Variants in UBE3D observed in about 807,000 individuals in gnomAD.
The protein encoded by UBE3D is ubiquitin protein ligase E3D, also known as E3 ubiquitin-protein ligase E3D.
In UBE3D, 48 loss-of-function variants were observed where a neutral mutation model predicts 49.6. The observed-to-expected ratio is 0.97, with a 90% CI of 0.77 to 1.23. The LOEUF (loss-of-function observed/expected upper bound fraction) is 1.23. Ranked by LOEUF, UBE3D falls within the 50% of genes most tolerant of loss-of-function variation. UBE3D has a pLI of 0.00. For missense variants in UBE3D, 452 were observed against 468.4 expected, an observed-to-expected ratio of 0.96 and a Z score of 0.32; for synonymous variants, 189 against 174.2, an observed-to-expected ratio of 1.08 and a Z score of -0.67.
chr6:83,006,694 T>C (rs1169523902), intron 8 of UBE3D, among the ~76,000 whole-genome samples: 1 of 152,192 alleles, frequency 6.6e-6, no homozygotes, highest in Non-Finnish European at 1.5e-5. Context: ...ATGGCAGCTC[T>C]AGTCAACTAT....
chr6:82,924,275 A>G (rs925195203), intron 9 of UBE3D, among the ~76,000 whole-genome samples: 3 of 152,176 alleles, frequency 2.0e-5, no homozygotes, highest in African/African-American at 7.2e-5. Context: ...ACTGATAAGA[A>G]AAGTTACTTG....
chr6:82,917,985 T>C (rs908031033), intron 9 of UBE3D, among the ~76,000 whole-genome samples: 6 of 152,228 alleles, frequency 3.9e-5, no homozygotes, highest in African/African-American at 1.4e-4. Flanking sequence ...TCTCTGCTCT[T>C]ATTTTCCTTC....
intron 8 of UBE3D, among the ~76,000 whole-genome samples, chr6:82,973,001 C>T (rs1486702358): frequency 6.6e-6 from 1 of 152,106 alleles, no homozygotes; most frequent in African/African-American, 2.4e-5. Context: ...TGAGAAGCTA[C>T]TAATGTTCTG....
intron 9 of UBE3D, among the ~76,000 whole-genome samples, chr6:82,943,836 G>A (rs1775200324): frequency 6.6e-6 from 1 of 151,902 alleles, no homozygotes; most frequent in Non-Finnish European, 1.5e-5. Flanking sequence ...CAGTGAATAT[G>A]AGACTTCACA....
chr6:82,957,979 A>G (rs1458980560), intron 8 of UBE3D, among the ~76,000 whole-genome samples: 1 of 152,348 alleles, frequency 6.6e-6, no homozygotes, highest in East Asian at 1.9e-4. Flanking sequence ...GCCCCAACTT[A>G]TAATACAAAT....
intron 5 of UBE3D, among the ~76,000 whole-genome samples, chr6:83,031,681 A>C (rs1390587568): frequency 6.6e-6 from 1 of 152,224 alleles, no homozygotes; most frequent in Non-Finnish European, 1.5e-5. Context: ...CACTAAGACA[A>C]TGAGGAAAGT....
At chr6:82,937,058 T>C (rs945600564) in intron 9 of UBE3D, among the ~76,000 whole-genome samples, 1 of 152,236 alleles carries the variant, frequency 6.6e-6, no homozygotes, top group African/African-American at 2.4e-5. Context: ...AGATGAGGTC[T>C]ATAAGAGCAA....
chr6:83,040,870 C>A (rs569640318), intron 4 of UBE3D, among the ~76,000 whole-genome samples: 5 of 152,250 alleles, frequency 3.3e-5, no homozygotes, highest in African/African-American at 1.2e-4. Flanking sequence ...GGTGTCATAC[C>A]CATGAGAGGT....
intron 5 of UBE3D, among the ~76,000 whole-genome samples, chr6:83,033,414 T>C (rs1782020232): frequency 6.6e-6 from 1 of 152,174 alleles, no homozygotes; most frequent in Admixed American, 6.5e-5. Context: ...TGGAGCTGTG[T>C]CCCCACCCAA....
At chr6:82,909,471 T>C (rs1181777978) in intron 9 of UBE3D, among the ~76,000 whole-genome samples, 2 of 152,196 alleles carry the variant, frequency 1.3e-5, no homozygotes, top group Non-Finnish European at 2.9e-5. Flanking sequence ...CAAGAGATAT[T>C]ATTCAGAAAT....
intron 8 of UBE3D, chr6:83,017,556 A>T (rs913635492): frequency 6.6e-6 from 1 of 152,216 alleles, no homozygotes; most frequent in South Asian, 2.1e-4. Flanking sequence ...ATATAAGGAT[A>T]GTGTCAAGTA....
intron 8 of UBE3D, among the ~76,000 whole-genome samples, chr6:82,961,514 G>A (rs1275651759): frequency 1.3e-5 from 2 of 152,180 alleles, no homozygotes; most frequent in Non-Finnish European, 2.9e-5. Flanking sequence ...CAAGAAGTAG[G>A]ACCAGGATTC....
At chr6:83,031,803 G>A (rs1264466232) in intron 5 of UBE3D, among the ~76,000 whole-genome samples, 3 of 152,320 alleles carry the variant, frequency 2.0e-5, no homozygotes, top group South Asian at 4.1e-4. Flanking sequence ...TTGGTGCTCC[G>A]TGTCCCAGCC....
chr6:83,000,934 T>G (rs963179737), intron 8 of UBE3D, among the ~76,000 whole-genome samples: 1 of 151,590 alleles, frequency 6.6e-6, no homozygotes, highest in African/African-American at 2.4e-5. Flanking sequence ...AACCTCCGCC[T>G]CCTGGGTTCA....
chr6:83,007,959 AT>A (rs1780092593), intron 8 of UBE3D, among the ~76,000 whole-genome samples: 1 of 150,238 alleles, frequency 6.7e-6, no homozygotes, highest in Non-Finnish European at 1.5e-5. Flanking sequence ...AAAGTAAAAA[AT>A]ATAAGAAAAA....
At chr6:82,937,947 C>T (rs921132325) in intron 9 of UBE3D, among the ~76,000 whole-genome samples, 20 of 152,124 alleles carry the variant, frequency 1.3e-4, no homozygotes, top group Non-Finnish European at 2.8e-4. Context: ...GGAGGTCTTA[C>T]GGCATCAACT....
At chr6:82,903,968 C>G (rs1771919125) in intron 9 of UBE3D, among the ~76,000 whole-genome samples, 1 of 152,134 alleles carries the variant, frequency 6.6e-6, no homozygotes, top group African/African-American at 2.4e-5. Flanking sequence ...GAACTGTTCA[C>G]TGAACTTTTC....
chr6:82,887,523 A>G (rs1770909886), downstream of UBE3D, among the ~76,000 whole-genome samples: 1 of 151,312 alleles, frequency 6.6e-6, no homozygotes, highest in Non-Finnish European at 1.5e-5. Context: ...AGTCTGGCCA[A>G]CATGGTGAAA....
chr6:82,957,531 A>C, intron 8 of UBE3D, 81 bp from the exon 9 acceptor site: 1 of 1,474,016 alleles, frequency 6.8e-7, no homozygotes. Context: ...AAGAAAACTC[A>C]ATTGTGAGAG....
Sources: allele counts gnomAD v4.1 joint callset (sites outside exome capture counted in the v4.1 genomes callset), GRCh38; gene constraint gnomAD v4.1.1; transcripts MANE v1.5; gene names NCBI Gene and HGNC (gene_info 2026-07-23, HGNC 2026-07-21).